Variants in CSE1L observed in about 807,000 individuals in gnomAD.
The protein encoded by CSE1L is chromosome segregation 1 like.
A neutral mutation model predicts 120.4 loss-of-function variants in CSE1L; 24 were observed. The ratio of observed to expected loss-of-function variants is 0.20; its 90% CI spans 0.14 to 0.28. The LOEUF (loss-of-function observed/expected upper bound fraction) is 0.28, where lower values mean the gene tolerates loss of function less well. CSE1L is among the 10% of genes least tolerant of loss of function. The pLI, the probability that CSE1L is intolerant of heterozygous loss-of-function variation, is 1.00. For missense variants in CSE1L, 830 were observed against 1,145.2 expected (o/e 0.72, Z 3.97); for synonymous variants, 402 against 398.3 (o/e 1.01, Z -0.11).
rs2092126786 is a variant in CSE1L at position 49,094,790 on chromosome 20, C to T, written c.2653C>T (p.Pro885Ser). The change falls in exon 24 of 25, where the codon CCT becomes TCT. Residue 885 changes from proline to serine, a missense_variant. Pro to Ser is a moderately conservative substitution (Grantham distance 74). Transcript: ENST00000262982. ...LFELPEDDTIPDEEHFIDIED... is the reference protein window; with the variant it reads ...LFELPEDDTISDEEHFIDIED... ...TGAGTTACCCGAAGATGATACCATTCCTGATGAGGAACATTTTATTGACAT... is the reference window on the plus strand; with the variant it reads ...TGAGTTACCCGAAGATGATACCATTTCTGATGAGGAACATTTTATTGACAT... The T allele has an allele frequency of 6.2e-7, 1 of 1,613,920 alleles. No homozygotes were observed. The highest frequency in any genetic ancestry group is 1.3e-5 in the African/African-American group (1 of 74,890).
At chr20:49,080,765 C>T (rs1052348720) in intron 14 of CSE1L, among the ~76,000 whole-genome samples, 4 of 152,080 alleles carry the variant, frequency 2.6e-5, no homozygotes, top group African/African-American at 9.7e-5. Context: ...CATGAGCCAC[C>T]GCGCCCGGCC....
rs1037792170 is a variant in CSE1L, at chr20:49,063,279, G to A, written c.163G>A (p.Asp55Asn). Reference sequence around the variant, plus strand: ...TTTGACATTACTGGAGAAGTCCCAGGATAATGTTATCAAAGTATGTGCTTC... The same window carrying A: ...TTTGACATTACTGGAGAAGTCCCAGAATAATGTTATCAAAGTATGTGCTTC... ...LLLTLLEKSQ[D>N]NVIKVCASVT... Residue 55 changes from aspartate (D) to asparagine (N), a missense_variant, in exon 3 of 25, where the codon GAT becomes AAT. By Grantham distance (23) the Asp-to-Asn change is conservative. Around this residue, in one of 4 missense-constraint regions of CSE1L, gnomAD observed 543 missense variants for 640.2 expected, o/e 0.85. Coordinates refer to ENST00000262982, the MANE Select transcript of CSE1L (RefSeq NM_001316.4). 2.5e-6 allele frequency: 4 copies of A among 1,582,984 alleles called. No homozygotes were observed. In the African/African-American group the frequency reaches 4.1e-5, roughly 16 times the overall value.
chr20:49,080,989 CTT>C (rs1431440198), intron 14 of CSE1L, among the ~76,000 whole-genome samples: 2 of 62,440 alleles, frequency 3.2e-5, no homozygotes, highest in Admixed American at 1.2e-4. Context: ...CTTTCTCCTT[CTT>C]TTTTTTTTTT....
intron 1 of CSE1L, among the ~76,000 whole-genome samples, chr20:49,047,208 C>T (rs537387366): frequency 6.6e-6 from 1 of 152,068 alleles, no homozygotes; most frequent in Non-Finnish European, 1.5e-5. Flanking sequence ...CTGGTCACCT[C>T]ATCTCACTGA....
Position 49,074,771 on chromosome 20 carries a change from ATC to A in CSE1L, c.1067-9_1067-8del. ...CTTTTGGAGTGTTATCTGAAATATC[ATC>A]TCTCCTTGTAGCTGCTGATGAAGAA... On this transcript the variant is annotated splice_polypyrimidine_tract_variant and intron_variant, in intron 10 of 24. Transcript: ENST00000262982. 1 of 1,607,578 alleles carries A rather than the reference ATC, an allele frequency of 6.2e-7. No homozygotes were observed. The highest frequency in any genetic ancestry group is 8.5e-7 in the Non-Finnish European group (1 of 1,176,884).
At chr20:49,090,134 A>G (rs1171184297) in intron 19 of CSE1L, among the ~76,000 whole-genome samples, 1 of 152,038 alleles carries the variant, frequency 6.6e-6, no homozygotes, top group African/African-American at 2.4e-5. Context: ...CTTAAAAAAA[A>G]TAATAATAAT....
At chr20:49,047,324 G>A (rs771832643) in intron 1 of CSE1L, among the ~76,000 whole-genome samples, 1 of 152,066 alleles carries the variant, frequency 6.6e-6, no homozygotes, top group Non-Finnish European at 1.5e-5. Flanking sequence ...AAGGTTCCCT[G>A]GGAGCTGACG....
At chr20:49,048,214 C>G (rs188168820) in intron 1 of CSE1L, among the ~76,000 whole-genome samples, 1 of 150,202 alleles carries the variant, frequency 6.7e-6, no homozygotes, top group Admixed American at 6.7e-5. Flanking sequence ...GCTCCTACAA[C>G]CCTTTATCTT....
chr20:49,096,353 C>T lies in CSE1L; in HGVS notation c.2831C>T (p.Pro944Leu), dbSNP rs2092140694. The T allele has an allele frequency of 6.2e-7, 1 of 1,613,630 alleles. No homozygotes were observed. Among genetic ancestry groups the T allele is most frequent in the Non-Finnish European group, 8.5e-7 (1 of 1,179,578 alleles). The change falls in exon 25 of 25, where the codon CCA becomes CTA. Residue 944 changes from proline to leucine, a missense_variant. This residue lies in a region of CSE1L where 112 missense variants were observed against 200.0 expected (regional missense o/e 0.56). Transcript: ENST00000262982. ...KLSTACPGRV[P>L]SMVSTSLNAE... ...TGTGTTTCCCATCTCTTGTAGGTTC[C>T]ATCAATGGTGAGCACCAGCCTGAAT...
intron 6 of CSE1L, 101 bp from the exon 7 acceptor site, chr20:49,068,614 T>C: frequency 1.3e-6 from 1 of 783,720 alleles, no homozygotes; most frequent in Non-Finnish European, 2.2e-6. Flanking sequence ...AATAAATAAG[T>C]AAAATATGAA....
intron 21 of CSE1L, among the ~76,000 whole-genome samples, chr20:49,091,660 C>G (rs2092102124): frequency 6.6e-6 from 1 of 152,130 alleles, no homozygotes; most frequent in Non-Finnish European, 1.5e-5. Flanking sequence ...GAAGTTAAGG[C>G]TGCGTGAGCT....
At position 49,094,703 on chromosome 20, in the gene CSE1L, T is replaced by A. The variant is rs768684983; in HGVS notation, c.2595-29T>A. 161 of 1,514,428 alleles carry A rather than the reference T, an allele frequency of 1.1e-4. 2 individuals carry two copies. In the Middle Eastern group the frequency reaches 1.7e-3, roughly 16 times the overall value. 93.8% of individuals were successfully genotyped at this position (1,514,428 alleles called of 1,614,324 possible). A position where few individuals can be genotyped will look rare whatever the true frequency, so the allele number is the denominator to read the frequency against. On this transcript the variant is annotated intron_variant, in intron 23 of 24. Transcript: ENST00000262982. Reference sequence around the variant, plus strand: ...AAGTCTTCCGAGTATTTTCTTGACCTTTTTATCTCTTGCTTTCTTCCAATC... The same window carrying A: ...AAGTCTTCCGAGTATTTTCTTGACCATTTTATCTCTTGCTTTCTTCCAATC...
At chr20:49,046,593 C>T (rs542104090) in intron 1 of CSE1L, among the ~76,000 whole-genome samples, 170 bp downstream of exon 1, 6 of 152,326 alleles carry the variant, frequency 3.9e-5, no homozygotes, top group Non-Finnish European at 5.9e-5. Context: ...AGGTCTTCGG[C>T]TTCCCTAGGG....
At chr20:49,080,463 G>A (rs1328492372) in intron 14 of CSE1L, among the ~76,000 whole-genome samples, 1 of 151,998 alleles carries the variant, frequency 6.6e-6, no homozygotes, top group African/African-American at 2.4e-5. Context: ...TTTTTAAATA[G>A]CATTTTAAAA....
intron 6 of CSE1L, among the ~76,000 whole-genome samples, chr20:49,067,501 C>T (rs982133317): frequency 6.6e-6 from 1 of 151,978 alleles, no homozygotes; most frequent in African/African-American, 2.4e-5. Flanking sequence ...TTTCTCTGTT[C>T]CCTTTCTTAG....
chr20:49,087,258 A>G (rs899845922), intron 16 of CSE1L, among the ~76,000 whole-genome samples: 2 of 151,472 alleles, frequency 1.3e-5, no homozygotes, highest in African/African-American at 2.4e-5. Flanking sequence ...GGAGGTGGAT[A>G]GGCAGTTTTC....
In CSE1L at chr20:49,050,969, G is replaced by A. The variant is rs114225956; in HGVS notation, c.-12+4546G>A. Among the ~76,000 whole-genome samples, 548 of 152,320 alleles carry A rather than the reference G, an allele frequency of 3.6e-3. 3 individuals carry two copies. The highest frequency in any genetic ancestry group is 0.013 in the African/African-American group (530 of 41,570). On this transcript the variant is annotated intron_variant, in intron 1 of 24. Coordinates refer to ENST00000262982, the MANE Select transcript of CSE1L (RefSeq NM_001316.4). ...AATATTTTTGATGGAAACATCAAAG[G>A]TATCTAGCTTTTTAAAATAGTACAA... is the stretch of plus-strand genomic sequence containing the variant.
intron 5 of CSE1L, 21 bp downstream of exon 5, chr20:49,066,531 G>A (rs779667335): frequency 1.9e-6 from 3 of 1,576,766 alleles, no homozygotes; most frequent in Non-Finnish European, 2.6e-6. Context: ...ATAGATTCAT[G>A]TTTTTAAAAT....
chr20:49,085,046 T>C (rs971619210), intron 15 of CSE1L, among the ~76,000 whole-genome samples: 3 of 152,182 alleles, frequency 2.0e-5, no homozygotes, highest in Non-Finnish European at 4.4e-5. Context: ...CAACTTCAGA[T>C]GTTGTTGGGT....
Sources: allele counts gnomAD v4.1 joint callset (sites outside exome capture counted in the v4.1 genomes callset), GRCh38; gene constraint gnomAD v4.1.1; regional missense constraint gnomAD v4.1.1; transcripts MANE v1.5; gene names NCBI Gene and HGNC (gene_info 2026-07-23, HGNC 2026-07-21).